GOLM1: variants seen among roughly 807,000 people sequenced by gnomAD.
GOLM1 encodes the protein golgi membrane protein 1, also known as epididymis luminal protein 46.
A neutral mutation model predicts 50.5 loss-of-function variants in GOLM1; 31 were observed. That is an observed-to-expected ratio of 0.61 (90% CI 0.46 to 0.83). The LOEUF is 0.83. Ranked by LOEUF, GOLM1 falls within the 40% of genes least tolerant of loss-of-function variation. The pLI is 0.00. For missense variants in GOLM1, 491 were observed against 501.3 expected (o/e 0.98, Z 0.20); for synonymous variants, 178 against 192.8 (o/e 0.92, Z 0.64).
chr9:86,040,421 A>G (rs1017125687), intron 6 of GOLM1, among the ~76,000 whole-genome samples: 2 of 152,166 alleles, frequency 1.3e-5, no homozygotes, highest in Admixed American at 1.3e-4. Context: ...GTGGTGTGAC[A>G]CTGGCCACAG....
chr9:86,079,487 G>A, intron 1 of GOLM1, 146 bp from the exon 2 acceptor site: 1 of 630,176 alleles, frequency 1.6e-6, no homozygotes, highest in South Asian at 2.4e-5. Context: ...AGCTGTCAAG[G>A]GAGAAGAGTA....
chr9:86,060,891 AAAAAAAAAAAAAAAAAAAAAAAAG>A lies in GOLM1; in HGVS notation c.310-8324_310-8301del, dbSNP rs1219262245. 2.8e-3 allele frequency among the ~76,000 whole-genome samples: 243 copies of A among 85,536 alleles called. 8 individuals are homozygous for A. Among genetic ancestry groups the A allele is most frequent in the African/African-American group, 0.018 (208 of 11,486 alleles). 56.1% of individuals were successfully genotyped at this position (85,536 alleles called of 152,430 possible). A position where few individuals can be genotyped will look rare whatever the true frequency, so the allele number is the denominator to read the frequency against. ...GAAACTCTCTCAAAAAAAAAAAAAA[AAAAAAAAAAAAAAAAAAAAAAAAG>A]AAGAAGAAGAAGAAGTTACACAACA... On this transcript the variant is annotated intron_variant, in intron 3 of 9. Coordinates refer to ENST00000388712, the MANE Select transcript of GOLM1 (RefSeq NM_016548.4).
At chr9:86,037,547 A>C (rs1833188199) in intron 6 of GOLM1, among the ~76,000 whole-genome samples, 1 of 152,292 alleles carries the variant, frequency 6.6e-6, no homozygotes, top group Middle Eastern at 3.4e-3. Flanking sequence ...GTACACCTTC[A>C]AGCATCTGTA....
At chr9:86,062,409 G>C (rs1026454078) in intron 3 of GOLM1, among the ~76,000 whole-genome samples, 1 of 151,952 alleles carries the variant, frequency 6.6e-6, no homozygotes, top group Non-Finnish European at 1.5e-5. Flanking sequence ...TGGGGAGGAG[G>C]GGAAGGGGAG....
intron 8 of GOLM1, 190 bp downstream of exon 8, chr9:86,035,178 T>C (rs1308979182): frequency 1.0e-6 from 1 of 985,076 alleles, no homozygotes; most frequent in Non-Finnish European, 1.2e-6. Flanking sequence ...TTCTAGAGCA[T>C]ATGCTGCTCT....
At chr9:86,068,754 A>C (rs528667897) in intron 3 of GOLM1, among the ~76,000 whole-genome samples, 2 of 152,268 alleles carry the variant, frequency 1.3e-5, no homozygotes, top group Non-Finnish European at 2.9e-5. Flanking sequence ...GTAACAGATA[A>C]CAAAAACAAC....
chr9:86,088,581 T>G lies in GOLM1; in HGVS notation c.-21-9240A>C, dbSNP rs1247822591. Among the ~76,000 whole-genome samples the G allele has an allele frequency of 4.7e-4, 70 of 149,258 alleles. 1 individual carries two copies. The highest frequency in any genetic ancestry group is 1.0e-3 in the South Asian group (5 of 4,766). ...TGCAACTCCTGGTTTTGTTTTTTTT[T>G]TTTTTTTGTTTTGTTTTTTTGCTTT... On this transcript the variant is annotated intron_variant, in intron 1 of 9. Coordinates refer to ENST00000388712, the MANE Select transcript of GOLM1 (RefSeq NM_016548.4).
intron 1 of GOLM1, among the ~76,000 whole-genome samples, chr9:86,097,529 C>T (rs371119376): frequency 1.5e-4 from 23 of 151,980 alleles, no homozygotes; most frequent in African/African-American, 5.6e-4. Flanking sequence ...CACAGAACAC[C>T]GCTCCCCCGC....
chr9:86,082,136 C>T (rs1264455991), intron 1 of GOLM1, among the ~76,000 whole-genome samples: 3 of 143,508 alleles, frequency 2.1e-5, no homozygotes, highest in African/African-American at 7.8e-5. Flanking sequence ...TCATGCCATT[C>T]TCCTGCCTCA....
intron 3 of GOLM1, among the ~76,000 whole-genome samples, chr9:86,071,631 C>CCACTG (rs1268507715): frequency 3.3e-5 from 5 of 151,826 alleles, no homozygotes; most frequent in Non-Finnish European, 7.4e-5. Context: ...CGAGATCGTG[C>CCACTG]CACTGCACTC....
intron 3 of GOLM1, among the ~76,000 whole-genome samples, chr9:86,054,507 A>C (rs1390207184): frequency 6.6e-6 from 1 of 152,174 alleles, no homozygotes; most frequent in Non-Finnish European, 1.5e-5. Context: ...TACAGGCGTG[A>C]GCCACTGCGC....
At chr9:86,048,222 C>T (rs1313680117) in intron 4 of GOLM1, among the ~76,000 whole-genome samples, 1 of 152,118 alleles carries the variant, frequency 6.6e-6, no homozygotes, top group Non-Finnish European at 1.5e-5. Flanking sequence ...TTTATGGCTG[C>T]ATAGTATTCC....
chr9:86,095,084 AAAAAG>A (rs1291061291), intron 1 of GOLM1, among the ~76,000 whole-genome samples: 4 of 151,744 alleles, frequency 2.6e-5, no homozygotes, highest in Admixed American at 6.6e-5. Flanking sequence ...TAAAAAAAAA[AAAAAG>A]AAAAAGAAAA....
At chr9:86,035,766 A>G in intron 7 of GOLM1, 141 bp from the exon 8 acceptor site, 1 of 707,040 alleles carries the variant, frequency 1.4e-6, no homozygotes, top group Non-Finnish European at 2.3e-6. Flanking sequence ...ACACAGGAGA[A>G]CAACCAGGTA....
intron 4 of GOLM1, among the ~76,000 whole-genome samples, chr9:86,047,942 A>G (rs1216756858): frequency 6.6e-6 from 1 of 152,032 alleles, no homozygotes; most frequent in Non-Finnish European, 1.5e-5. Flanking sequence ...GGTTTGTTAC[A>G]TATGTATACA....
intron 8 of GOLM1, 168 bp downstream of exon 8, chr9:86,035,200 T>C: frequency 1.0e-6 from 1 of 985,298 alleles, no homozygotes; most frequent in Non-Finnish European, 1.2e-6. Context: ...CCTTCCTGCC[T>C]CCCTCTTGAT....
intron 5 of GOLM1, among the ~76,000 whole-genome samples, chr9:86,042,511 C>T (rs1014057548): frequency 1.3e-5 from 2 of 152,126 alleles, no homozygotes; most frequent in Admixed American, 1.3e-4. Context: ...GAGAAGGGAA[C>T]CAGGTGCTAT....
intron 3 of GOLM1, among the ~76,000 whole-genome samples, chr9:86,063,270 C>T (rs1466610571): frequency 6.6e-6 from 1 of 152,246 alleles, no homozygotes; most frequent in Non-Finnish European, 1.5e-5. Flanking sequence ...ATGCCCTGTG[C>T]AAGGGCTGGA....
intron 1 of GOLM1, among the ~76,000 whole-genome samples, chr9:86,091,935 G>T (rs904645036): frequency 6.6e-6 from 1 of 152,320 alleles, no homozygotes; most frequent in African/African-American, 2.4e-5. Context: ...ACATCAGGCA[G>T]CTCAGGGTGG....
Sources: allele counts gnomAD v4.1 joint callset (sites outside exome capture counted in the v4.1 genomes callset), GRCh38; gene constraint gnomAD v4.1.1; transcripts MANE v1.5; gene names NCBI Gene and HGNC (gene_info 2026-07-23, HGNC 2026-07-21).